The following OSBPL5 variants were observed in gnomAD, a reference collection of about 807,000 sequenced individuals.
The protein encoded by OSBPL5 is oxysterol-binding protein-related protein 5.
A neutral mutation model predicts 111.2 loss-of-function variants in OSBPL5; 71 were observed. The observed-to-expected ratio is 0.64, with a 90% CI of 0.53 to 0.78. The LOEUF (loss-of-function observed/expected upper bound fraction) is 0.78, where lower values mean the gene tolerates loss of function less well. Ranked by LOEUF, OSBPL5 falls within the 30% of genes least tolerant of loss-of-function variation. The probability of loss-of-function intolerance (pLI) is 0.00; values close to 1 mark genes in which losing one functional copy is unlikely to be tolerated. For synonymous variants in OSBPL5, 549 were observed against 513.9 expected, an observed-to-expected ratio of 1.07 and a Z score of -0.93; for missense variants, 1,210 against 1,189.3, an observed-to-expected ratio of 1.02 and a Z score of -0.26.
At chr11:3,150,257 G>A (rs543969627) in intron 1 of OSBPL5, among the ~76,000 whole-genome samples, 1 of 152,168 alleles carries the variant, frequency 6.6e-6, no homozygotes, top group Non-Finnish European at 1.5e-5. Context: ...AAGTCCCCGG[G>A]GGGAGCAGAC....
intron 11 of OSBPL5, among the ~76,000 whole-genome samples, chr11:3,102,881 C>G (rs1361668677): frequency 6.6e-6 from 1 of 152,156 alleles, no homozygotes; most frequent in Non-Finnish European, 1.5e-5. Context: ...TTTATGAAAA[C>G]CACAGATCCC....
intron 4 of OSBPL5, 105 bp from the exon 5 acceptor site, chr11:3,122,203 G>T: frequency 7.7e-7 from 1 of 1,296,746 alleles, no homozygotes. Flanking sequence ...GGGCAGGAGA[G>T]GAAGTAGGAG....
chr11:3,125,940 C>T (rs1357315084), intron 3 of OSBPL5, among the ~76,000 whole-genome samples: 1 of 152,180 alleles, frequency 6.6e-6, no homozygotes, highest in Non-Finnish European at 1.5e-5. Context: ...TGAGATTGTG[C>T]CACTGCACTC....
At chr11:3,153,236 G>C (rs1009406005) in intron 1 of OSBPL5, among the ~76,000 whole-genome samples, 1 of 152,128 alleles carries the variant, frequency 6.6e-6, no homozygotes, top group Admixed American at 6.6e-5. Context: ...GCATAGGGTT[G>C]TTTCAAGGGT....
rs890077688 is a variant in OSBPL5 at position 3,130,850 on chromosome 11, A to G, written c.-21-1681T>C. Among the ~76,000 whole-genome samples, 3 of 152,010 alleles carry G rather than the reference A, an allele frequency of 2.0e-5. No homozygotes were observed. Among genetic ancestry groups the G allele is most frequent in the Admixed American group, 6.5e-5 (1 of 15,274 alleles). On this transcript the variant is annotated intron_variant, in intron 1 of 21. Coordinates refer to ENST00000263650, the MANE Select transcript of OSBPL5 (RefSeq NM_020896.4). This position sits in a 1 kb window ranked among gnomAD's most constrained non-coding sequence, Gnocchi z 4.5. ...TTGTCAATCACAACAAACACGTCCT[A>G]CTTGCCCAGGTGCAGCTCAGGATGG...
intron 19 of OSBPL5, among the ~76,000 whole-genome samples, chr11:3,091,952 C>T (rs1360130467): frequency 1.3e-5 from 2 of 152,138 alleles, no homozygotes; most frequent in South Asian, 2.1e-4. Context: ...GGGTTTGGCG[C>T]CACCTGGTGG....
intron 19 of OSBPL5, among the ~76,000 whole-genome samples, chr11:3,091,499 G>A (rs971764382): frequency 3.9e-5 from 6 of 152,154 alleles, no homozygotes; most frequent in African/African-American, 7.2e-5. Flanking sequence ...CAGGGGCTGC[G>A]GGGTGGGAGG....
chr11:3,112,054 T>TGCGC lies in OSBPL5; in HGVS notation c.692-4110_692-4109insGCGC, dbSNP rs1564837521. Among the ~76,000 whole-genome samples, 3 of 34,010 alleles carry TGCGC rather than the reference T, an allele frequency of 8.8e-5. No homozygotes were observed. The South Asian group carries it at 2.1e-3, about 23-fold the overall frequency. 22.3% of individuals were successfully genotyped at this position (34,010 alleles called of 152,430 possible). The stretch of plus-strand genomic sequence containing the variant: ...GTGTGTATGTGTGCGCGCATGTGTG[T>TGCGC]GCATGTGTATGTGTGTGTGCATGTG... On this transcript the variant is annotated intron_variant, in intron 7 of 21. Coordinates refer to ENST00000263650, the MANE Select transcript of OSBPL5 (RefSeq NM_020896.4).
Position 3,113,071 on chromosome 11 carries a change from C to G in OSBPL5, c.692-5126G>C, listed in dbSNP as rs1858063025. Among the ~76,000 whole-genome samples, 1 of 152,074 alleles carries G rather than the reference C, an allele frequency of 6.6e-6. No homozygotes were observed. Among genetic ancestry groups the G allele is most frequent in the Non-Finnish European group, 1.5e-5 (1 of 68,020 alleles). ...ACTACTGAAAATATATAAAAGGGCT[C>G]TAATTGATTGGCTTAAGAAAGTAAA... is the stretch of plus-strand genomic sequence containing the variant. On this transcript the variant is annotated intron_variant, in intron 7 of 21. Coordinates refer to ENST00000263650, the MANE Select transcript of OSBPL5 (RefSeq NM_020896.4). This position sits in a 1 kb window ranked among gnomAD's most constrained non-coding sequence, Gnocchi z 4.8.
In OSBPL5 at chr11:3,087,156, CACAG is replaced by C. The variant is rs1856900015; in HGVS notation, c.*1045_*1048del. The C allele has an allele frequency of 6.6e-6, 1 of 152,462 alleles. No homozygotes were observed. The highest frequency in any genetic ancestry group is 1.5e-5 in the Non-Finnish European group (1 of 68,086). The allele number at this position is 152,462 out of a possible 1,614,324, so 9.4% of individuals were successfully genotyped here. A position where few individuals can be genotyped will look rare whatever the true frequency, so the allele number is the denominator to read the frequency against. ...TGTCTGTTTATTTCAAGGTGTGGAA[CACAG>C]ACACATCCCCAGATGGGGGAGGAGG... On this transcript the variant is annotated 3_prime_UTR_variant, in exon 22 of 22. Coordinates refer to ENST00000263650, the MANE Select transcript of OSBPL5 (RefSeq NM_020896.4).
rs557645493 is a variant in OSBPL5 at position 3,124,596 on chromosome 11, C to T, written c.219+1877G>A. ...TTTCTCAGGCTCCCTGAGCTGCTTC[C>T]CCAGAAGCAGGACAGCTCATATCCC... On this transcript the variant is annotated intron_variant, in intron 3 of 21. Transcript: ENST00000263650. Among the ~76,000 whole-genome samples the T allele has an allele frequency of 2.0e-5, 3 of 152,272 alleles. No individual in the cohort carries two copies. The East Asian group carries it at 5.8e-4, about 29-fold the overall frequency.
At chr11:3,111,571 T>G (rs1003832866) in intron 7 of OSBPL5, among the ~76,000 whole-genome samples, 25 of 152,208 alleles carry the variant, frequency 1.6e-4, no homozygotes, top group African/African-American at 6.0e-4. Context: ...TTTCTGTTTT[T>G]GTTGTTTTGG....
In OSBPL5 at chr11:3,104,838, T is replaced by C. The variant is rs1857640167; in HGVS notation, c.1060-461A>G. ...TATTGTAACATTTCTTTTTCTGTTT[T>C]TGAACCACTTTATTGAGGTCTGATT... is the stretch of plus-strand genomic sequence containing the variant. On this transcript the variant is annotated intron_variant, in intron 9 of 21. Coordinates refer to ENST00000263650, the MANE Select transcript of OSBPL5 (RefSeq NM_020896.4). This position sits in a 1 kb window ranked among gnomAD's most constrained non-coding sequence, Gnocchi z 5.0. Among the ~76,000 whole-genome samples, 2 of 152,204 alleles carry C rather than the reference T, an allele frequency of 1.3e-5. No individual in the cohort carries two copies.
At position 3,121,811 on chromosome 11, in the gene OSBPL5, T is replaced by A; in HGVS notation, c.402+186A>T. 1 of 608,724 alleles carries A rather than the reference T, an allele frequency of 1.6e-6. No homozygotes were observed. Among genetic ancestry groups the A allele is most frequent in the East Asian group, 2.8e-5 (1 of 35,998 alleles). The allele number at this position is 608,724 out of a possible 1,614,324, so 37.7% of individuals were successfully genotyped here. ...CTAATTCCTACCACTGGTGTCCTTA[T>A]AAAAAGGGGGAGAGACAGGTGGATA... is the stretch of plus-strand genomic sequence containing the variant. On this transcript the variant is annotated intron_variant, in intron 5 of 21. Coordinates refer to ENST00000263650, the MANE Select transcript of OSBPL5 (RefSeq NM_020896.4). The surrounding 1 kb of genome is among the most constrained non-coding windows in gnomAD (Gnocchi z 4.3).
chr11:3,094,545 TGGGAGGTGC>T, intron 14 of OSBPL5: 1 of 247,122 alleles, frequency 4.0e-6, no homozygotes, highest in Admixed American at 1.1e-4. Flanking sequence ...GTGCGGAGCC[TGGGAGGTGC>T]GGAGCCTGGG....
rs145179913 is a variant in OSBPL5, at chr11:3,154,689, A to G, written c.-22+10527T>C. On this transcript the variant is annotated intron_variant, in intron 1 of 21. Coordinates refer to ENST00000263650, the MANE Select transcript of OSBPL5 (RefSeq NM_020896.4). This position sits in a 1 kb window ranked among gnomAD's most constrained non-coding sequence, Gnocchi z 4.9. Reference sequence around the variant, plus strand: ...GCCCCAGGGTTAGTCTGACTGCTCCACTACCCATGGTTATGGGCTAAATGT... The same window carrying G: ...GCCCCAGGGTTAGTCTGACTGCTCCGCTACCCATGGTTATGGGCTAAATGT... Among the ~76,000 whole-genome samples the G allele has an allele frequency of 2.0e-3, 305 of 152,250 alleles. 1 individual carries two copies. The highest frequency in any genetic ancestry group is 7.1e-3 in the African/African-American group (293 of 41,524).
intron 21 of OSBPL5, 109 bp from the exon 22 acceptor site, chr11:3,088,452 C>T (rs989552209): frequency 7.2e-6 from 9 of 1,250,270 alleles, no homozygotes; most frequent in Admixed American, 7.7e-5. Context: ...GACACAGGGC[C>T]GAGGTGGAGA....
chr11:3,097,231 A>C (rs1429341050), intron 14 of OSBPL5, among the ~76,000 whole-genome samples: 1 of 151,746 alleles, frequency 6.6e-6, no homozygotes, highest in African/African-American at 2.4e-5. Context: ...AGTGGTAGAC[A>C]GGTCCTTGGG....
At chr11:3,152,297 C>T (rs899909199) in intron 1 of OSBPL5, among the ~76,000 whole-genome samples, 17 of 152,228 alleles carry the variant, frequency 1.1e-4, no homozygotes, top group African/African-American at 3.9e-4. Context: ...ATTTTTTAAC[C>T]GCAGCAATGA....
Sources: allele counts gnomAD v4.1 joint callset (sites outside exome capture counted in the v4.1 genomes callset), GRCh38; gene constraint gnomAD v4.1.1; non-coding constraint Gnocchi (gnomAD v3.1); transcripts MANE v1.5; gene names NCBI Gene and HGNC (gene_info 2026-07-23, HGNC 2026-07-21).